Variants in SPHKAP observed in about 807,000 individuals in gnomAD.
The protein encoded by SPHKAP is A-kinase anchor protein SPHKAP.
In SPHKAP, 67 loss-of-function variants were observed where a neutral mutation model predicts 137.5. That is an observed-to-expected ratio of 0.49 (90% CI 0.40 to 0.60). The LOEUF is 0.60. Ranked by LOEUF, SPHKAP falls within the 20% of genes least tolerant of loss-of-function variation. SPHKAP has a pLI of 0.00. For synonymous variants in SPHKAP, 813 were observed against 785.3 expected (o/e 1.04, Z -0.59); for missense variants, 2,097 against 2,069.3 (o/e 1.01, Z -0.26).
chr2:228,171,468 G>T (rs146211357), intron 1 of SPHKAP, among the ~76,000 whole-genome samples: 2,167 of 152,154 alleles, frequency 0.014, 29 homozygotes, highest in Non-Finnish European at 0.02. Context: ...TTATAAGTTT[G>T]CTTATATTGT....
intron 3 of SPHKAP, among the ~76,000 whole-genome samples, chr2:228,062,654 G>C (rs1376332415): frequency 6.6e-6 from 1 of 151,888 alleles, no homozygotes; most frequent in Non-Finnish European, 1.5e-5. Context: ...AATTGGTAGA[G>C]AGCTTTTTTT....
At chr2:228,111,307 G>A (rs184457126) in intron 2 of SPHKAP, among the ~76,000 whole-genome samples, 181 of 152,224 alleles carry the variant, frequency 1.2e-3, no homozygotes, top group African/African-American at 4.2e-3. Context: ...TTCCACAGCT[G>A]TGAATGCAGG....
At chr2:228,058,522 T>G (rs1028689179) in intron 3 of SPHKAP, among the ~76,000 whole-genome samples, 1 of 152,128 alleles carries the variant, frequency 6.6e-6, no homozygotes, top group South Asian at 2.1e-4. Flanking sequence ...GGGTTTTCTT[T>G]CCTCTGCACC....
chr2:228,012,111 T>C (rs1329166294), intron 7 of SPHKAP, among the ~76,000 whole-genome samples: 1 of 136,326 alleles, frequency 7.3e-6, no homozygotes, highest in Non-Finnish European at 1.5e-5. Flanking sequence ...GGGGCTGCGG[T>C]GAGCCATGGT....
At chr2:228,032,380 G>A (rs186466050) in intron 3 of SPHKAP, among the ~76,000 whole-genome samples, 15 of 152,316 alleles carry the variant, frequency 9.8e-5, no homozygotes, top group Admixed American at 1.3e-4. Context: ...ATGGCATTAT[G>A]TGAAAAGACC....
chr2:228,007,992 A>C (rs1246208666), intron 7 of SPHKAP, among the ~76,000 whole-genome samples: 1 of 152,172 alleles, frequency 6.6e-6, no homozygotes, highest in Non-Finnish European at 1.5e-5. Flanking sequence ...TCCTTGACTT[A>C]AACTGATTTA....
At chr2:228,160,292 G>A (rs114498068) in intron 1 of SPHKAP, among the ~76,000 whole-genome samples, 2,332 of 152,120 alleles carry the variant, frequency 0.015, 54 homozygotes, top group African/African-American at 0.053. Flanking sequence ...CTTTGTTACC[G>A]GTAAACTTTT....
At chr2:228,003,641 A>C (rs1460223993) in intron 7 of SPHKAP, among the ~76,000 whole-genome samples, 4 of 152,158 alleles carry the variant, frequency 2.6e-5, no homozygotes, top group Non-Finnish European at 4.4e-5. Context: ...GTCTTGTGCC[A>C]GTTTTCAAAG....
chr2:227,988,794 C>T (rs1263413483), intron 11 of SPHKAP, among the ~76,000 whole-genome samples: 2 of 152,166 alleles, frequency 1.3e-5, no homozygotes, highest in African/African-American at 4.8e-5. Context: ...TAGGGTCACA[C>T]ATGATTATGC....
At chr2:228,098,827 G>C (rs1299024502) in intron 3 of SPHKAP, among the ~76,000 whole-genome samples, 1 of 143,170 alleles carries the variant, frequency 7.0e-6, no homozygotes, top group Non-Finnish European at 1.5e-5. Flanking sequence ...TTTTTTGCTT[G>C]TTGATTTCTT....
At chr2:228,159,084 C>A (rs1700197348) in intron 1 of SPHKAP, among the ~76,000 whole-genome samples, 1 of 152,162 alleles carries the variant, frequency 6.6e-6, no homozygotes, top group South Asian at 2.1e-4. Flanking sequence ...CCAGTCTGGA[C>A]TGTAGGGTCC....
chr2:228,004,818 A>G (rs1486254868), intron 7 of SPHKAP, among the ~76,000 whole-genome samples: 2 of 152,228 alleles, frequency 1.3e-5, no homozygotes, highest in East Asian at 3.9e-4. Context: ...TTATGTACCC[A>G]GTAGTCATTC....
intron 1 of SPHKAP, among the ~76,000 whole-genome samples, chr2:228,161,366 C>T (rs963487320): frequency 7.2e-5 from 11 of 152,130 alleles, no homozygotes; most frequent in Non-Finnish European, 1.3e-4. Flanking sequence ...ACTGAGTTGG[C>T]CCAATCTAGA....
At chr2:228,025,968 G>A in intron 4 of SPHKAP, 2 of 559,262 alleles carry the variant, frequency 3.6e-6, no homozygotes, top group South Asian at 1.6e-4. Flanking sequence ...TTGTGGGAGG[G>A]ACCTGGTGGG....
At chr2:228,092,265 A>ACACACACGTGTATGTGCGTGTATACGTG (rs1559168897) in intron 3 of SPHKAP, among the ~76,000 whole-genome samples, 4 of 131,878 alleles carry the variant, frequency 3.0e-5, no homozygotes, top group African/African-American at 1.4e-4. Flanking sequence ...GTGTATACGT[A>ACACACACGTGTATGTGCGTGTATACGTG]CACACACACG....
intron 3 of SPHKAP, among the ~76,000 whole-genome samples, chr2:228,092,554 GTATA>G: frequency 1.0e-5 from 1 of 98,784 alleles, no homozygotes; most frequent in Admixed American, 1.0e-4. Flanking sequence ...ATATATATGT[GTATA>G]TGTGCCATAT....
At chr2:228,154,127 C>T in intron 1 of SPHKAP, among the ~76,000 whole-genome samples, 1 of 152,050 alleles carries the variant, frequency 6.6e-6, no homozygotes, top group East Asian at 1.9e-4. Flanking sequence ...TTTCTCTTTT[C>T]TCACATAAAT....
chr2:228,016,337 G>C, intron 7 of SPHKAP, 69 bp downstream of exon 7: 1 of 1,477,506 alleles, frequency 6.8e-7, no homozygotes, highest in Non-Finnish European at 8.9e-7. Context: ...CTAAAATTTA[G>C]ACTAAACACT....
Position 227,995,634 on chromosome 2 carries a change from G to A in SPHKAP, c.4509C>T (p.Pro1503=), listed in dbSNP as rs779890171. The change falls in exon 8 of 12, where the codon CCC becomes CCT. Residue 1503 remains proline (P), a synonymous_variant. Transcript: ENST00000392056. ...EAEASTEARA[P]DEAPNPPSSS... ...TGCTTGGAGGGTTGGGGGCCTCATC[G>A]GGGGCTCTGGCTTCTGTGGAGGCTT... 99 of 1,613,352 alleles carry A rather than the reference G, an allele frequency of 6.1e-5. No individual in the cohort carries two copies. Among genetic ancestry groups the A allele is most frequent in the Non-Finnish European group, 7.3e-5 (86 of 1,179,870 alleles).
Sources: allele counts gnomAD v4.1 joint callset (sites outside exome capture counted in the v4.1 genomes callset), GRCh38; gene constraint gnomAD v4.1.1; transcripts MANE v1.5; gene names NCBI Gene and HGNC (gene_info 2026-07-23, HGNC 2026-07-21).